TSPEAR: variants seen among roughly 807,000 people sequenced by gnomAD.
TSPEAR encodes thrombospondin type laminin G domain and EAR repeats, also known as thrombospondin-type laminin G domain and EAR repeat-containing protein.
In TSPEAR, 69 loss-of-function variants were observed where a neutral mutation model predicts 71.6. The observed-to-expected ratio is 0.96, with a 90% CI of 0.79 to 1.18. The LOEUF (loss-of-function observed/expected upper bound fraction) is 1.18, where lower values mean the gene tolerates loss of function less well. TSPEAR is among the 50% of genes most tolerant of loss of function. The pLI, the probability that TSPEAR is intolerant of heterozygous loss-of-function variation, is 0.00. For synonymous variants in TSPEAR, 402 were observed against 387.2 expected, an observed-to-expected ratio of 1.04 and a Z score of -0.45; for missense variants, 971 against 894.9, an observed-to-expected ratio of 1.09 and a Z score of -1.09.
intron 1 of TSPEAR, among the ~76,000 whole-genome samples, chr21:44,649,300 C>A (rs587744706): frequency 6.6e-6 from 1 of 152,182 alleles, no homozygotes; most frequent in African/African-American, 2.4e-5. Context: ...GGATGAGCAG[C>A]GGTCTGTGGA....
chr21:44,552,165 G>C (rs2053452451), intron 2 of TSPEAR, among the ~76,000 whole-genome samples: 1 of 152,202 alleles, frequency 6.6e-6, no homozygotes, highest in South Asian at 2.1e-4. Context: ...CCTGAGAGTG[G>C]TGGGTGCAGA....
intron 1 of TSPEAR, chr21:44,574,745 G>A: frequency 1.2e-6 from 2 of 1,613,574 alleles, no homozygotes; most frequent in South Asian, 2.2e-5. Context: ...TGAGCTGTGT[G>A]CCTGTTTGCT....
intron 1 of TSPEAR, among the ~76,000 whole-genome samples, chr21:44,618,983 T>G (rs587683063): frequency 6.6e-6 from 1 of 152,256 alleles, no homozygotes; most frequent in South Asian, 2.1e-4. Context: ...AAAGCCCCCG[T>G]GCATGTCTAT....
rs1555910815 is a variant in TSPEAR, at chr21:44,499,214, G to C, written c.*569C>G. 1 of 152,344 alleles carries C rather than the reference G, an allele frequency of 6.6e-6. No homozygotes were observed. The highest frequency in any genetic ancestry group is 2.4e-5 in the African/African-American group (1 of 41,458). The allele number at this position is 152,344 out of a possible 1,614,324, so 9.4% of individuals were successfully genotyped here. A position where few individuals can be genotyped will look rare whatever the true frequency, so the allele number is the denominator to read the frequency against. On this transcript the variant is annotated 3_prime_UTR_variant, in exon 12 of 12. Coordinates refer to ENST00000323084, the MANE Select transcript of TSPEAR (RefSeq NM_144991.3). ...CGGGTAAACTGAGGCTGGGAGGGAA[G>C]CCTCTCTCTGTATGGGGAGGTGGTC...
At chr21:44,701,654 C>T (rs1254450986) in intron 1 of TSPEAR, among the ~76,000 whole-genome samples, 2 of 152,164 alleles carry the variant, frequency 1.3e-5, no homozygotes, top group Admixed American at 6.5e-5. Context: ...CAGTTCACAG[C>T]GGGGTTCGTG....
intron 1 of TSPEAR, among the ~76,000 whole-genome samples, chr21:44,684,453 G>T (rs1555948620): frequency 2.0e-5 from 3 of 152,218 alleles, no homozygotes; most frequent in Non-Finnish European, 4.4e-5. Flanking sequence ...AGGATAGCTT[G>T]AGCCCAGGAG....
intron 2 of TSPEAR, among the ~76,000 whole-genome samples, chr21:44,538,789 C>A (rs1555916707): frequency 6.6e-6 from 1 of 152,194 alleles, no homozygotes; most frequent in Non-Finnish European, 1.5e-5. Flanking sequence ...GACCCGGGCA[C>A]AGGGGCTGAG....
intron 1 of TSPEAR, among the ~76,000 whole-genome samples, chr21:44,655,340 A>C (rs1985081302): frequency 6.6e-6 from 1 of 152,242 alleles, no homozygotes; most frequent in Non-Finnish European, 1.5e-5. Context: ...TGAAGGTTCA[A>C]TAAGTGACTC....
At position 44,599,134 on chromosome 21, in the gene TSPEAR, T is replaced by TTCTCTCTCTCTCTCTCTCTCTCTCTCTC. The variant is rs58774528; in HGVS notation, c.83-31157_83-31130dup. 6.0e-3 allele frequency among the ~76,000 whole-genome samples: 557 copies of TTCTCTCTCTCTCTCTCTCTCTCTCTCTC among 92,292 alleles called. 117 individuals carry two copies. The highest frequency in any genetic ancestry group is 0.014 in the East Asian group (45 of 3,172). 60.5% of individuals were successfully genotyped at this position (92,292 alleles called of 152,430 possible). A position where few individuals can be genotyped will look rare whatever the true frequency, so the allele number is the denominator to read the frequency against. On this transcript the variant is annotated intron_variant, in intron 1 of 11. Transcript: ENST00000323084. ...CCATATGGAAGCAGAGGCCCCCATT[T>TTCTCTCTCTCTCTCTCTCTCTCTCTCTC]TCTCTCTCTCTCTCTCTCTCTCTCT... is the stretch of plus-strand genomic sequence containing the variant.
In TSPEAR at chr21:44,568,025, G is replaced by A; in HGVS notation, c.83-20C>T. 6.7e-7 allele frequency: 1 copy of A among 1,499,408 alleles called. No individual in the cohort carries two copies. Among genetic ancestry groups the A allele is most frequent in the Non-Finnish European group, 8.9e-7 (1 of 1,119,370 alleles). The allele number at this position is 1,499,408 out of a possible 1,614,324, so 92.9% of individuals were successfully genotyped here. A position where few individuals can be genotyped will look rare whatever the true frequency, so the allele number is the denominator to read the frequency against. Reference sequence around the variant, plus strand: ...GCAGGTCTGTGGCAAAGAAATCACAGGTGGGTTAGGCCAGGACACCCCCAA... The same window carrying A: ...GCAGGTCTGTGGCAAAGAAATCACAAGTGGGTTAGGCCAGGACACCCCCAA... On this transcript the variant is annotated intron_variant, in intron 1 of 11. Coordinates refer to ENST00000323084, the MANE Select transcript of TSPEAR (RefSeq NM_144991.3).
chr21:44,525,912 T>C, intron 7 of TSPEAR, 73 bp from the exon 8 acceptor site: 2 of 1,443,716 alleles, frequency 1.4e-6, no homozygotes, highest in Non-Finnish European at 1.9e-6. Context: ...TGAAGGCTTC[T>C]GAACATCAGC....
intron 1 of TSPEAR, among the ~76,000 whole-genome samples, chr21:44,633,183 G>A (rs782740221): frequency 2.0e-5 from 3 of 152,012 alleles, no homozygotes; most frequent in Non-Finnish European, 2.9e-5. Context: ...TTTAGGCTTC[G>A]TTGGTTCCAT....
chr21:44,628,218 C>T (rs1555935014), intron 1 of TSPEAR: 1 of 768,054 alleles, frequency 1.3e-6, no homozygotes, highest in East Asian at 2.7e-5. Context: ...CTGACCTCCC[C>T]CCCGGGCAGG....
intron 11 of TSPEAR, among the ~76,000 whole-genome samples, chr21:44,500,767 T>C (rs1292049414): frequency 6.6e-6 from 1 of 152,224 alleles, no homozygotes; most frequent in South Asian, 2.1e-4. Context: ...CTTCTAAAAA[T>C]TCATATTTAT....
chr21:44,534,403 TGA>T (rs1401887659), intron 2 of TSPEAR, among the ~76,000 whole-genome samples: 6 of 38,352 alleles, frequency 1.6e-4, no homozygotes, highest in Non-Finnish European at 2.8e-4. Context: ...GGCTGGTGTG[TGA>T]GGGGCGGGGC....
At chr21:44,567,515 C>A (rs2053718552) in intron 2 of TSPEAR, among the ~76,000 whole-genome samples, 1 of 152,114 alleles carries the variant, frequency 6.6e-6, no homozygotes, top group African/African-American at 2.4e-5. Flanking sequence ...GCGCTTCCTG[C>A]CAAAGGATGT....
intron 1 of TSPEAR, among the ~76,000 whole-genome samples, chr21:44,680,072 A>G (rs150311173): frequency 6.6e-6 from 1 of 152,364 alleles, no homozygotes; most frequent in African/African-American, 2.4e-5. Context: ...TGCACAGCAA[A>G]CGGAACAATC....
At chr21:44,697,413 C>T in intron 1 of TSPEAR, 2 of 1,613,816 alleles carry the variant, frequency 1.2e-6, no homozygotes, top group African/African-American at 1.3e-5. Context: ...GAGCCCAGCC[C>T]CTGCCAATCA....
At chr21:44,643,656 T>C (rs782097505) in intron 1 of TSPEAR, among the ~76,000 whole-genome samples, 2 of 152,162 alleles carry the variant, frequency 1.3e-5, no homozygotes, top group Non-Finnish European at 2.9e-5. Flanking sequence ...ACTCATAAAA[T>C]AGAAGCAGAA....
Sources: allele counts gnomAD v4.1 joint callset (sites outside exome capture counted in the v4.1 genomes callset), GRCh38; gene constraint gnomAD v4.1.1; transcripts MANE v1.5; gene names NCBI Gene and HGNC (gene_info 2026-07-23, HGNC 2026-07-21).